Variants in KAT6B observed in about 807,000 individuals in gnomAD.
KAT6B encodes the protein histone acetyltransferase KAT6B.
KAT6B carries 10 observed loss-of-function variants against 187.5 expected under a neutral mutation model. The observed-to-expected ratio is 0.05, with a 90% CI of 0.03 to 0.09. The LOEUF is 0.09. Ranked by LOEUF, KAT6B falls within the 10% of genes least tolerant of loss-of-function variation. KAT6B has a pLI of 1.00. For missense variants in KAT6B, 1,952 were observed against 2,558.9 expected (o/e 0.76, Z 5.12); for synonymous variants, 861 against 926.8 (o/e 0.93, Z 1.29).
chr10:74,968,174 G>A (rs1841605531), intron 4 of KAT6B, among the ~76,000 whole-genome samples: 1 of 152,172 alleles, frequency 6.6e-6, no homozygotes, highest in Admixed American at 6.5e-5. Context: ...CAAGCAAGCT[G>A]TCTTTGTTTG....
At position 74,842,726 on chromosome 10, in the gene KAT6B, T is replaced by A. The variant is rs532682713; in HGVS notation, c.-132T>A. 5.2e-5 allele frequency: 50 copies of A among 963,470 alleles called. 1 individual carries two copies. The African/African-American group carries it at 7.2e-4, about 14-fold the overall frequency. The allele number at this position is 963,470 out of a possible 1,614,324, so 59.7% of individuals were successfully genotyped here. ...CTCTTAAGGATGGATGTTTGTAAGA[T>A]GTTGCTTAATACAGTCTGGAATACT... On this transcript the variant is annotated 5_prime_UTR_variant, in exon 3 of 18. The change abolishes an upstream ATG in the 5' untranslated region. Coordinates refer to ENST00000287239, the MANE Select transcript of KAT6B (RefSeq NM_012330.4).
chr10:75,015,037 A>G (rs555533268), intron 13 of KAT6B, among the ~76,000 whole-genome samples: 1 of 152,306 alleles, frequency 6.6e-6, no homozygotes, highest in Non-Finnish European at 1.5e-5. Context: ...GAAAGCACAG[A>G]TGCTGGGCTC....
intron 13 of KAT6B, among the ~76,000 whole-genome samples, chr10:75,017,248 A>T (rs1845041700): frequency 1.3e-4 from 1 of 7,716 alleles, no homozygotes; most frequent in African/African-American, 6.2e-4. Flanking sequence ...TTAAACCACC[A>T]CATCTCTATG....
At chr10:74,981,233 G>T (rs1842484193) in intron 10 of KAT6B, among the ~76,000 whole-genome samples, 1 of 152,094 alleles carries the variant, frequency 6.6e-6, no homozygotes, top group South Asian at 2.1e-4. Context: ...ACATATTATG[G>T]ATTATATTAA....
intron 3 of KAT6B, among the ~76,000 whole-genome samples, chr10:74,854,604 C>T (rs987461942): frequency 1.3e-5 from 2 of 151,960 alleles, no homozygotes; most frequent in African/African-American, 2.4e-5. Flanking sequence ...ATACTAATCA[C>T]TGGTCTAAGC....
chr10:74,868,630 T>C (rs1167082473), intron 3 of KAT6B, among the ~76,000 whole-genome samples: 1 of 152,206 alleles, frequency 6.6e-6, no homozygotes, highest in African/African-American at 2.4e-5. Flanking sequence ...ATTTCTCCAG[T>C]TTAGTCACCT....
intron 3 of KAT6B, among the ~76,000 whole-genome samples, chr10:74,943,370 T>C (rs1018575346): frequency 2.0e-5 from 3 of 152,206 alleles, no homozygotes; most frequent in South Asian, 4.1e-4. Flanking sequence ...AGACTGATAA[T>C]GTTACAATGT....
intron 3 of KAT6B, among the ~76,000 whole-genome samples, chr10:74,954,963 T>C (rs1384145208): frequency 6.6e-6 from 1 of 152,180 alleles, no homozygotes; most frequent in East Asian, 1.9e-4. Context: ...GATTTATAAA[T>C]GTTTGTAGTC....
At chr10:74,841,590 T>C (rs1259289381) in intron 2 of KAT6B, among the ~76,000 whole-genome samples, 1 of 151,928 alleles carries the variant, frequency 6.6e-6, no homozygotes, top group Non-Finnish European at 1.5e-5. Flanking sequence ...ATAAAAAAAA[T>C]TAATGATGTT....
At chr10:74,887,256 C>G (rs1178738534) in intron 3 of KAT6B, among the ~76,000 whole-genome samples, 1 of 152,068 alleles carries the variant, frequency 6.6e-6, no homozygotes, top group African/African-American at 2.4e-5. Context: ...CATAGGGTGT[C>G]CAGACACTCC....
chr10:74,829,876 G>T (rs1401879791), intron 1 of KAT6B, among the ~76,000 whole-genome samples: 2 of 151,644 alleles, frequency 1.3e-5, no homozygotes, highest in Non-Finnish European at 2.9e-5. Flanking sequence ...AAATTAGCTG[G>T]GCATGGTGGC....
chr10:75,014,339 A>C (rs1267815840), intron 13 of KAT6B, among the ~76,000 whole-genome samples: 1 of 152,220 alleles, frequency 6.6e-6, no homozygotes, highest in Admixed American at 6.5e-5. Context: ...AACAAAATAA[A>C]GAGAGAAAGA....
At chr10:75,009,224 CT>C (rs1844426593) in intron 13 of KAT6B, among the ~76,000 whole-genome samples, 2 of 152,100 alleles carry the variant, frequency 1.3e-5, no homozygotes, top group African/African-American at 4.8e-5. Flanking sequence ...ATTTGAGTTC[CT>C]GTTATTTACG....
intron 1 of KAT6B, among the ~76,000 whole-genome samples, chr10:74,836,194 A>G (rs571760589): frequency 2.6e-5 from 4 of 152,218 alleles, no homozygotes; most frequent in Non-Finnish European, 5.9e-5. Flanking sequence ...GTATGGATAT[A>G]CCACAGTTTA....
chr10:74,932,700 G>A (rs575747049), intron 3 of KAT6B, among the ~76,000 whole-genome samples: 5 of 152,306 alleles, frequency 3.3e-5, no homozygotes, highest in Admixed American at 2.0e-4. Flanking sequence ...GACTTACGCT[G>A]TGAACCCTTT....
intron 3 of KAT6B, among the ~76,000 whole-genome samples, chr10:74,875,976 A>G (rs1418363214): frequency 6.6e-6 from 1 of 152,168 alleles, no homozygotes. Flanking sequence ...TCAAAATTCT[A>G]ATTCCTGTTC....
At position 74,982,905 on chromosome 10, in the gene KAT6B, T is replaced by G. The variant is rs532081659; in HGVS notation, c.2373+977T>G. On this transcript the variant is annotated intron_variant, in intron 11 of 17. Coordinates refer to ENST00000287239, the MANE Select transcript of KAT6B (RefSeq NM_012330.4). ...CTTATTATTCTGCCTTACAGTTCTCTTTATTTCTGGCCTGCAGTGTCTTGC... is the reference window on the plus strand; with the variant it reads ...CTTATTATTCTGCCTTACAGTTCTCGTTATTTCTGGCCTGCAGTGTCTTGC... The G allele has an allele frequency of 2.0e-5, 3 of 152,358 alleles. No homozygotes were observed. In the East Asian group the frequency reaches 5.8e-4, roughly 29 times the overall value. The allele number at this position is 152,358 out of a possible 1,614,324, so 9.4% of individuals were successfully genotyped here. A position where few individuals can be genotyped will look rare whatever the true frequency, so the allele number is the denominator to read the frequency against.
intron 4 of KAT6B, among the ~76,000 whole-genome samples, chr10:74,968,138 G>A (rs1312466374): frequency 6.6e-6 from 1 of 152,232 alleles, no homozygotes; most frequent in African/African-American, 2.4e-5. Flanking sequence ...TCCCCTCCCC[G>A]CTTCAGTGTG....
At chr10:74,932,273 T>C (rs1848936145) in intron 3 of KAT6B, among the ~76,000 whole-genome samples, 1 of 152,168 alleles carries the variant, frequency 6.6e-6, no homozygotes, top group African/African-American at 2.4e-5. Context: ...CTTAAGCACT[T>C]TATATATGTC....
Sources: allele counts gnomAD v4.1 joint callset (sites outside exome capture counted in the v4.1 genomes callset), GRCh38; gene constraint gnomAD v4.1.1; transcripts MANE v1.5; gene names NCBI Gene and HGNC (gene_info 2026-07-23, HGNC 2026-07-21).